GRM7: variants seen among roughly 807,000 people sequenced by gnomAD.
The protein encoded by GRM7 is metabotropic glutamate receptor 7.
A neutral mutation model predicts 84.5 loss-of-function variants in GRM7; 35 were observed. The observed-to-expected ratio is 0.41, with a 90% CI of 0.32 to 0.55. The LOEUF (loss-of-function observed/expected upper bound fraction) is 0.55. GRM7 is among the 20% of genes least tolerant of loss of function. The pLI is 0.19. For missense variants in GRM7, 1,003 were observed against 1,194.6 expected (o/e 0.84, Z 2.36); for synonymous variants, 487 against 455.1 (o/e 1.07, Z -0.89).
At chr3:7,185,154 A>G (rs1575005270) in intron 2 of GRM7, among the ~76,000 whole-genome samples, 1 of 152,104 alleles carries the variant, frequency 6.6e-6, no homozygotes, top group African/African-American at 2.4e-5. Context: ...TGCGACCACC[A>G]TGGCCTTAAT....
At chr3:6,947,799 A>G (rs62235444) in intron 1 of GRM7, among the ~76,000 whole-genome samples, 11,026 of 152,198 alleles carry the variant, frequency 0.072, 542 homozygotes, top group Non-Finnish European at 0.11. Flanking sequence ...GTATGTGTCG[A>G]GGAATTTATG....
chr3:7,082,788 G>C (rs1698315272), intron 1 of GRM7, among the ~76,000 whole-genome samples: 1 of 152,112 alleles, frequency 6.6e-6, no homozygotes, highest in Non-Finnish European at 1.5e-5. Context: ...ATGACTTTGA[G>C]GGGTTCAAGA....
intron 9 of GRM7, among the ~76,000 whole-genome samples, chr3:7,705,008 G>A (rs1199571646): frequency 6.6e-6 from 1 of 152,118 alleles, no homozygotes; most frequent in African/African-American, 2.4e-5. Flanking sequence ...TCCAGACAAG[G>A]CTTGTGCTGG....
intron 1 of GRM7, among the ~76,000 whole-genome samples, chr3:7,035,141 G>A (rs1696339872): frequency 6.6e-6 from 1 of 152,104 alleles, no homozygotes; most frequent in Admixed American, 6.5e-5. Context: ...TTTACCCTGT[G>A]GTAGGAAAGG....
At chr3:7,223,921 C>T (rs1015346739) in intron 2 of GRM7, among the ~76,000 whole-genome samples, 9 of 152,164 alleles carry the variant, frequency 5.9e-5, no homozygotes, top group African/African-American at 2.2e-4. Context: ...TCCACTTAGT[C>T]TCTGTTTCTG....
intron 9 of GRM7, among the ~76,000 whole-genome samples, chr3:7,724,804 G>T (rs1702065911): frequency 6.6e-6 from 1 of 152,118 alleles, no homozygotes; most frequent in Non-Finnish European, 1.5e-5. Flanking sequence ...CTGTTGCCAG[G>T]CTAGAGTGCA....
chr3:6,892,065 C>G (rs932861678), intron 1 of GRM7, among the ~76,000 whole-genome samples: 5 of 152,166 alleles, frequency 3.3e-5, no homozygotes, highest in Admixed American at 6.6e-5. Flanking sequence ...AGTTCTCGAG[C>G]CTTGGCTTTC....
intron 1 of GRM7, among the ~76,000 whole-genome samples, chr3:6,968,253 C>T (rs955054631): frequency 6.6e-6 from 1 of 152,126 alleles, no homozygotes; most frequent in African/African-American, 2.4e-5. Flanking sequence ...ATTGTTTCTT[C>T]ACATCATCTT....
intron 4 of GRM7, among the ~76,000 whole-genome samples, chr3:7,370,253 A>G (rs1491002261): frequency 6.6e-6 from 1 of 152,192 alleles, no homozygotes; most frequent in African/African-American, 2.4e-5. Flanking sequence ...TAAGATCCCC[A>G]ATGCCCATCA....
At chr3:7,319,379 T>C (rs552663824) in intron 4 of GRM7, among the ~76,000 whole-genome samples, 35 of 152,196 alleles carry the variant, frequency 2.3e-4, no homozygotes, top group Middle Eastern at 6.8e-3. Context: ...TGTGTTAACA[T>C]GTTTGTTAGG....
At chr3:6,893,380 T>C (rs9870911) in intron 1 of GRM7, among the ~76,000 whole-genome samples, 17,457 of 152,208 alleles carry the variant, frequency 0.11, 1,138 homozygotes, top group African/African-American at 0.16. Flanking sequence ...ATATATTGCG[T>C]TACTCTCATA....
At chr3:7,230,996 A>C (rs1019605635) in intron 2 of GRM7, among the ~76,000 whole-genome samples, 4 of 152,186 alleles carry the variant, frequency 2.6e-5, no homozygotes, top group Non-Finnish European at 5.9e-5. Flanking sequence ...AGGAGCACTG[A>C]AAAACCACCT....
chr3:7,056,001 T>G (rs2124962232), intron 1 of GRM7, among the ~76,000 whole-genome samples: 1 of 152,086 alleles, frequency 6.6e-6, no homozygotes, highest in Middle Eastern at 3.4e-3. Context: ...CAGTAGCCAG[T>G]TAAATGCTTA....
At chr3:7,545,291 A>G (rs1360966973) in intron 7 of GRM7, among the ~76,000 whole-genome samples, 2 of 152,226 alleles carry the variant, frequency 1.3e-5, no homozygotes, top group Non-Finnish European at 2.9e-5. Context: ...AATGCCTGAT[A>G]CTCTGTGTAC....
At chr3:7,532,938 A>C (rs1162289600) in intron 7 of GRM7, among the ~76,000 whole-genome samples, 1 of 152,052 alleles carries the variant, frequency 6.6e-6, no homozygotes, top group Non-Finnish European at 1.5e-5. Context: ...TCAATGCAAC[A>C]AGAAGAGCTG....
At chr3:7,076,809 A>G (rs1698098332) in intron 1 of GRM7, among the ~76,000 whole-genome samples, 1 of 152,200 alleles carries the variant, frequency 6.6e-6, no homozygotes, top group Admixed American at 6.5e-5. Flanking sequence ...ATAGAATGGG[A>G]GAAAATTATT....
chr3:7,244,748 T>C, intron 2 of GRM7, among the ~76,000 whole-genome samples: 1 of 152,014 alleles, frequency 6.6e-6, no homozygotes, highest in East Asian at 1.9e-4. Flanking sequence ...CAATGTACCA[T>C]TCATAATTTC....
At chr3:7,666,726 A>C (rs1319794844) in intron 8 of GRM7, among the ~76,000 whole-genome samples, 1 of 152,130 alleles carries the variant, frequency 6.6e-6, no homozygotes. Context: ...AATTACAGAA[A>C]TATTACCGGT....
At chr3:7,139,640 A>T (rs1313837219) in intron 1 of GRM7, among the ~76,000 whole-genome samples, 1 of 151,946 alleles carries the variant, frequency 6.6e-6, no homozygotes, top group East Asian at 1.9e-4. Flanking sequence ...TCCAAACAGG[A>T]TTCTAGATCA....
Sources: gnomAD v4.1 joint callset for allele counts (sites outside exome capture counted in the v4.1 genomes callset) on GRCh38, gnomAD v4.1.1 for gene constraint, MANE v1.5 for transcripts, NCBI Gene and HGNC (gene_info 2026-07-23, HGNC 2026-07-21) for gene names.